ATP6V1G3: variants seen among roughly 807,000 people sequenced by gnomAD.
ATP6V1G3 encodes the protein ATPase H+ transporting V1 subunit G3.
In ATP6V1G3, 9 loss-of-function variants were observed where a neutral mutation model predicts 9.3. That is an observed-to-expected ratio of 0.97 (90% CI 0.59 to 1.69). ATP6V1G3 has a LOEUF of 1.69. ATP6V1G3 is among the 40% of genes most tolerant of loss of function. The pLI is 0.00. For synonymous variants in ATP6V1G3, 43 were observed against 43.8 expected (o/e 0.98, Z 0.07); for missense variants, 133 against 139.0 (o/e 0.96, Z 0.22).
intron 1 of ATP6V1G3, among the ~76,000 whole-genome samples, chr1:198,531,016 T>G (rs966146484): frequency 6.6e-6 from 1 of 151,926 alleles, no homozygotes; most frequent in Non-Finnish European, 1.5e-5. Flanking sequence ...AAAAAAATCA[T>G]AGGAAAGGGT....
chr1:198,530,125 C>T (rs1487044348), intron 1 of ATP6V1G3, among the ~76,000 whole-genome samples: 1 of 152,072 alleles, frequency 6.6e-6, no homozygotes, highest in Non-Finnish European at 1.5e-5. Flanking sequence ...CATTAAAATT[C>T]TTTTTTTCTA....
intron 2 of ATP6V1G3, among the ~76,000 whole-genome samples, chr1:198,528,784 T>C (rs1286871223): frequency 2.0e-5 from 3 of 151,972 alleles, no homozygotes; most frequent in Admixed American, 1.3e-4. Flanking sequence ...GTGGTAGGAA[T>C]GAGACTTTAA....
chr1:198,540,573 C>T lies in ATP6V1G3; in HGVS notation c.78G>A (p.Lys26=), dbSNP rs1236657850. 6.2e-7 allele frequency: 1 copy of T among 1,613,712 alleles called. No individual in the cohort carries two copies. The highest frequency in any genetic ancestry group is 8.5e-7 in the Non-Finnish European group (1 of 1,179,724). The stretch of plus-strand genomic sequence containing the variant: ...CCCCTCACAGGTGAGACTTACTCTT[C>T]TTGGCTTCCTCTAGCTTGTCCTTGG... ...KRAKDKLEEA[K]KRKGKRLKQA... Residue 26 remains lysine, a synonymous_variant, in exon 1 of 3, where the codon AAG becomes AAA. Coordinates refer to ENST00000367382, the MANE Select transcript of ATP6V1G3 (RefSeq NM_001376861.1).
At chr1:198,528,899 T>C (rs989613659) in intron 2 of ATP6V1G3, among the ~76,000 whole-genome samples, 182 bp downstream of exon 2, 3 of 151,386 alleles carry the variant, frequency 2.0e-5, no homozygotes, top group Non-Finnish European at 2.9e-5. Context: ...AAAAATGCCT[T>C]GAAAGTGAAA....
chr1:198,524,051 T>G (rs1049276826), intron 2 of ATP6V1G3, among the ~76,000 whole-genome samples: 3 of 152,154 alleles, frequency 2.0e-5, no homozygotes, highest in Admixed American at 6.6e-5. Context: ...TAAAATACAT[T>G]ATCTGAACTG....
rs553610237 is a variant in ATP6V1G3, at chr1:198,534,590, A to G, written c.83-5409T>C. Among the ~76,000 whole-genome samples, 8 of 152,316 alleles carry G rather than the reference A, an allele frequency of 5.3e-5. No individual in the cohort carries two copies. In the South Asian group the frequency reaches 1.4e-3, roughly 28 times the overall value. On this transcript the variant is annotated intron_variant, in intron 1 of 2. Coordinates refer to ENST00000367382, the MANE Select transcript of ATP6V1G3 (RefSeq NM_001376861.1). Reference sequence around the variant, plus strand: ...ATCAGCAAGGAGCATAGAGAAAACAATGCTAGTTGAGCATTGGAGACAAAG... The same window carrying G: ...ATCAGCAAGGAGCATAGAGAAAACAGTGCTAGTTGAGCATTGGAGACAAAG...
intron 1 of ATP6V1G3, among the ~76,000 whole-genome samples, chr1:198,531,351 C>A (rs1418203030): frequency 6.6e-6 from 1 of 152,154 alleles, no homozygotes; most frequent in East Asian, 1.9e-4. Flanking sequence ...CTCATATTAA[C>A]CTCTAACTTG....
intron 2 of ATP6V1G3, among the ~76,000 whole-genome samples, chr1:198,525,808 A>G (rs1659631465): frequency 6.6e-6 from 1 of 152,144 alleles, no homozygotes; most frequent in African/African-American, 2.4e-5. Flanking sequence ...CATTTTGGAC[A>G]GTGCAGCAAT....
chr1:198,536,183 A>T (rs183681389), intron 1 of ATP6V1G3, among the ~76,000 whole-genome samples: 1 of 152,184 alleles, frequency 6.6e-6, no homozygotes, highest in South Asian at 2.1e-4. Flanking sequence ...GTTGAATTGC[A>T]TGCATTTGAG....
intron 1 of ATP6V1G3, among the ~76,000 whole-genome samples, chr1:198,537,727 G>A (rs1316847623): frequency 3.9e-5 from 6 of 152,076 alleles, no homozygotes; most frequent in African/African-American, 1.4e-4. Flanking sequence ...ATAGTCATTT[G>A]TGCATTTATC....
At chr1:198,540,908 T>C, upstream of ATP6V1G3, 2 of 510,662 alleles carry the variant, frequency 3.9e-6, no homozygotes. Flanking sequence ...CTGTATGAGA[T>C]AAGGAGGTAT....
chr1:198,536,537 G>A, intron 1 of ATP6V1G3: 1 of 595,682 alleles, frequency 1.7e-6, no homozygotes, highest in Non-Finnish European at 3.0e-6. Context: ...TTAAAGTAGT[G>A]CAAACTACTG....
intron 2 of ATP6V1G3, among the ~76,000 whole-genome samples, chr1:198,524,110 T>C (rs1175539201): frequency 6.9e-6 from 1 of 145,860 alleles, no homozygotes; most frequent in East Asian, 2.0e-4. Flanking sequence ...TCTAAGATAC[T>C]TTTATATGCA....
intron 1 of ATP6V1G3, among the ~76,000 whole-genome samples, chr1:198,533,219 G>T (rs4915298): frequency 1.5e-3 from 231 of 151,438 alleles, no homozygotes; most frequent in African/African-American, 5.2e-3. Flanking sequence ...CAGGAGAATC[G>T]CTTGAACCCA....
intron 1 of ATP6V1G3, among the ~76,000 whole-genome samples, chr1:198,538,018 C>T (rs1449129687): frequency 1.3e-5 from 2 of 152,182 alleles, no homozygotes; most frequent in Non-Finnish European, 2.9e-5. Flanking sequence ...ACCTCAACGC[C>T]TGTGGCTTCT....
intron 1 of ATP6V1G3, among the ~76,000 whole-genome samples, chr1:198,531,905 T>G (rs759493633): frequency 6.6e-6 from 1 of 152,066 alleles, no homozygotes. Context: ...GTTGTTTAAT[T>G]ATTTTAAATA....
In ATP6V1G3 at chr1:198,527,819, C is replaced by T. The variant is rs1015699615; in HGVS notation, c.183+1262G>A. 3.5e-4 allele frequency among the ~76,000 whole-genome samples: 53 copies of T among 152,094 alleles called. 1 individual carries two copies. The highest frequency in any genetic ancestry group is 9.4e-4 in the African/African-American group (39 of 41,516). On this transcript the variant is annotated intron_variant, in intron 2 of 2. Coordinates refer to ENST00000367382, the MANE Select transcript of ATP6V1G3 (RefSeq NM_001376861.1). ...ACAATATAAAATATATCAGATAATG[C>T]TAAGTGCTATGAGGAAAAAGAGTGG... is the stretch of plus-strand genomic sequence containing the variant.
At chr1:198,529,568 G>T (rs1659813231) in intron 1 of ATP6V1G3, among the ~76,000 whole-genome samples, 1 of 152,024 alleles carries the variant, frequency 6.6e-6, no homozygotes, top group African/African-American at 2.4e-5. Flanking sequence ...TATTTGGTCA[G>T]ATTTTCAGTC....
intron 1 of ATP6V1G3, among the ~76,000 whole-genome samples, chr1:198,529,941 AT>A (rs1659828439): frequency 1.3e-5 from 2 of 152,142 alleles, no homozygotes; most frequent in East Asian, 1.9e-4. Flanking sequence ...TTTTAGACGA[AT>A]ACAATGCTGT....
Sources: allele counts gnomAD v4.1 joint callset (sites outside exome capture counted in the v4.1 genomes callset), GRCh38; gene constraint gnomAD v4.1.1; transcripts MANE v1.5; gene names NCBI Gene and HGNC (gene_info 2026-07-23, HGNC 2026-07-21).